GLOD5: variants seen among roughly 807,000 people sequenced by gnomAD.
The protein encoded by GLOD5 is glyoxalase domain-containing protein 5.
A neutral mutation model predicts 9.9 loss-of-function variants in GLOD5; 7 were observed. That is an observed-to-expected ratio of 0.71 (90% CI 0.40 to 1.33). The LOEUF (loss-of-function observed/expected upper bound fraction) is 1.33. GLOD5 is among the 40% of genes most tolerant of loss of function. The pLI, the probability that GLOD5 is intolerant of heterozygous loss-of-function variation, is 0.01. For synonymous variants in GLOD5, 49 were observed against 47.3 expected (o/e 1.04, Z -0.14); for missense variants, 146 against 128.4 (o/e 1.14, Z -0.66).
chrX:48,773,495 C>T lies in GLOD5; in HGVS notation c.*60C>T. On this transcript the variant is annotated 3_prime_UTR_variant, in exon 4 of 4. Coordinates refer to ENST00000303227, the MANE Select transcript of GLOD5 (RefSeq NM_001080489.3). The stretch of plus-strand genomic sequence containing the variant: ...ATGTCGCCCTCTCCTTTCCTTCCTG[C>T]AAACCCCCACCCAGGCCCAGAGATC... The T allele has an allele frequency of 8.8e-7, 1 of 1,139,877 alleles. No individual in the cohort carries two copies. The highest frequency in any genetic ancestry group is 1.8e-5 in the African/African-American group (1 of 56,093). The allele number at this position is 1,139,877 out of a possible 1,213,427, so 93.9% of individuals were successfully genotyped here. A position where few individuals can be genotyped will look rare whatever the true frequency, so the allele number is the denominator to read the frequency against.
intron 1 of GLOD5, chrX:48,762,170 G>T: frequency 4.8e-6 from 1 of 207,392 alleles, no homozygotes; most frequent in Admixed American, 6.4e-5. Flanking sequence ...GCCATGTGGA[G>T]AGAGGCTAGG....
intron 2 of GLOD5, among the ~76,000 whole-genome samples, chrX:48,768,113 G>A (rs1295200766): frequency 2.7e-5 from 3 of 111,875 alleles, no homozygotes; most frequent in Admixed American, 9.5e-5. Flanking sequence ...CTGTAGGCAC[G>A]TGCCACCACA....
chrX:48,767,396 G>A (rs1389371393), intron 2 of GLOD5, among the ~76,000 whole-genome samples: 3 of 112,139 alleles, frequency 2.7e-5, no homozygotes, highest in Non-Finnish European at 5.6e-5. Context: ...GGAGGCCGAG[G>A]CGGGTGGATC....
rs1016132246 is a variant in GLOD5 at position 48,766,804 on chromosome X, A to G, written c.201+832A>G. Among the ~76,000 whole-genome samples, 3 of 103,242 alleles carry G rather than the reference A, an allele frequency of 2.9e-5. No homozygotes were observed. In the Admixed American group the frequency reaches 3.3e-4, roughly 11 times the overall value. The allele number at this position is 103,242 out of a possible 115,157, so 89.7% of individuals were successfully genotyped here. A position where few individuals can be genotyped will look rare whatever the true frequency, so the allele number is the denominator to read the frequency against. ...AATAAAAGCATTCTTAGTCATACGA[A>G]GTCTTACAAAATTTCCCACTTGCTT... On this transcript the variant is annotated intron_variant, in intron 2 of 3. Transcript: ENST00000303227.
intron 2 of GLOD5, among the ~76,000 whole-genome samples, chrX:48,769,604 C>A (rs782240174): frequency 1.8e-5 from 2 of 111,565 alleles, no homozygotes; most frequent in Admixed American, 9.6e-5. Context: ...AAACTAAAAA[C>A]GATAATCAAA....
chrX:48,770,668 T>G (rs1557017263), intron 2 of GLOD5, among the ~76,000 whole-genome samples: 1 of 112,003 alleles, frequency 8.9e-6, no homozygotes, highest in East Asian at 2.8e-4. Context: ...AAATGTATAC[T>G]GGGTAGGCAA....
At chrX:48,766,203 T>C (rs782244879) in intron 2 of GLOD5, 17 of 341,617 alleles carry the variant, frequency 5.0e-5, no homozygotes, top group Admixed American at 2.0e-4. Context: ...AGTCTCTACA[T>C]GGAAAAGGTT....
intron 3 of GLOD5, among the ~76,000 whole-genome samples, chrX:48,772,266 T>C (rs1004077165): frequency 1.8e-5 from 2 of 110,440 alleles, no homozygotes; most frequent in Non-Finnish European, 3.8e-5. Flanking sequence ...TGGGGCACAG[T>C]GGCTCATGCC....
chrX:48,771,427 T>C (rs1356748146), intron 3 of GLOD5, among the ~76,000 whole-genome samples: 1 of 109,071 alleles, frequency 9.2e-6, no homozygotes, highest in African/African-American at 3.3e-5. Context: ...GCGATTCTCC[T>C]GCCTCAGCCT....
chrX:48,763,888 T>TA (rs1420970702), intron 1 of GLOD5, among the ~76,000 whole-genome samples: 2 of 111,400 alleles, frequency 1.8e-5, no homozygotes, highest in Non-Finnish European at 3.8e-5. Flanking sequence ...TGGTACAGGA[T>TA]TTTTTTTAGC....
chrX:48,766,603 T>C (rs1557016713), intron 2 of GLOD5, among the ~76,000 whole-genome samples: 1 of 109,201 alleles, frequency 9.2e-6, no homozygotes. Flanking sequence ...GTACAAAAAT[T>C]AGCTGTGCAT....
chrX:48,765,577 CAAAAAAAAAAAAAA>C (rs66661999), intron 1 of GLOD5: 3 of 177,544 alleles, frequency 1.7e-5, no homozygotes, highest in Admixed American at 7.0e-5. Context: ...GACTCTGTCT[CAAAAAAAAAAAAAA>C]AAAAAAAAAA....
intron 3 of GLOD5, among the ~76,000 whole-genome samples, chrX:48,772,338 C>A (rs181613418): frequency 8.1e-5 from 9 of 110,965 alleles, no homozygotes. Flanking sequence ...GAATTTGAGA[C>A]CAGCCTGGGT....
At chrX:48,770,434 G>C (rs189367892) in intron 2 of GLOD5, among the ~76,000 whole-genome samples, 11 of 111,764 alleles carry the variant, frequency 9.8e-5, no homozygotes, top group African/African-American at 3.2e-4. Flanking sequence ...TAGTTAGTCA[G>C]GTCATGGGCA....
intron 2 of GLOD5, among the ~76,000 whole-genome samples, chrX:48,767,089 A>G (rs917686468): frequency 1.9e-5 from 2 of 105,270 alleles, no homozygotes; most frequent in Non-Finnish European, 3.9e-5. Context: ...GATCCCAGAA[A>G]GGTACTTAGA....
chrX:48,762,776 G>A (rs782304929), intron 1 of GLOD5, among the ~76,000 whole-genome samples: 1 of 111,246 alleles, frequency 9.0e-6, no homozygotes, highest in African/African-American at 3.3e-5. Context: ...ATTTTATAAA[G>A]CAGGCTTTGT....
At chrX:48,765,993 C>CA (rs1262845897) in intron 2 of GLOD5, 21 bp downstream of exon 2, 4 of 1,193,236 alleles carry the variant, frequency 3.4e-6, no homozygotes, top group Non-Finnish European at 4.5e-6. Context: ...CCCCAAATGC[C>CA]AAAATTCAGG....
chrX:48,773,318 T>C lies in GLOD5; in HGVS notation c.366T>C (p.Asp122=), dbSNP rs782370895. The C allele has an allele frequency of 9.1e-6, 11 of 1,211,131 alleles. No individual in the cohort carries two copies. In the South Asian group the frequency reaches 1.9e-4, roughly 21 times the overall value. The change falls in exon 4 of 4, where the codon GAT becomes GAC. Residue 122 remains aspartate (D), a synonymous_variant. Transcript: ENST00000303227. ...EEMIQHLKAC[D]VPIEEGPVPR... ...TTTTCTTCCCACTTCAGGCTTGTGA[T>C]GTCCCTATTGAGGAGGGGCCAGTCC...
chrX:48,764,551 T>TG (rs2062604216), intron 1 of GLOD5, among the ~76,000 whole-genome samples: 1 of 100,835 alleles, frequency 9.9e-6, no homozygotes. Context: ...TCCAGAATCT[T>TG]CTTTTTTTTT....
Sources: gnomAD v4.1 joint callset for allele counts (sites outside exome capture counted in the v4.1 genomes callset) on GRCh38, gnomAD v4.1.1 for gene constraint, MANE v1.5 for transcripts, NCBI Gene and HGNC (gene_info 2026-07-23, HGNC 2026-07-21) for gene names.